ADAM23: variants seen among roughly 807,000 people sequenced by gnomAD.
ADAM23 encodes disintegrin and metalloproteinase domain-containing protein 23.
A neutral mutation model predicts 120.1 loss-of-function variants in ADAM23; 33 were observed. The observed-to-expected ratio is 0.27, with a 90% CI of 0.21 to 0.37. ADAM23 has a LOEUF of 0.37. Ranked by LOEUF, ADAM23 falls within the 10% of genes least tolerant of loss-of-function variation. The pLI is 1.00. For synonymous variants in ADAM23, 367 were observed against 375.2 expected (o/e 0.98, Z 0.25); for missense variants, 862 against 1,058.2 (o/e 0.81, Z 2.57).
chr2:206,535,945 C>G (rs534658603), intron 4 of ADAM23, among the ~76,000 whole-genome samples: 1 of 152,240 alleles, frequency 6.6e-6, no homozygotes, highest in African/African-American at 2.4e-5. Context: ...GAATTTTATA[C>G]TTAAAAAGGT....
chr2:206,497,360 A>G (rs1433029550), intron 3 of ADAM23, among the ~76,000 whole-genome samples: 1 of 152,238 alleles, frequency 6.6e-6, no homozygotes, highest in Non-Finnish European at 1.5e-5. Flanking sequence ...ACGAAAATCA[A>G]TAAATGTAAT....
At chr2:206,575,526 C>T (rs977514159) in intron 18 of ADAM23, among the ~76,000 whole-genome samples, 1 of 152,106 alleles carries the variant, frequency 6.6e-6, no homozygotes, top group Non-Finnish European at 1.5e-5. Context: ...GTTAGCTCCT[C>T]AGGACAAGCT....
At chr2:206,616,582 A>G (rs1698938700) in intron 25 of ADAM23, among the ~76,000 whole-genome samples, 1 of 152,116 alleles carries the variant, frequency 6.6e-6, no homozygotes, top group African/African-American at 2.4e-5. Context: ...ATTTTGAATT[A>G]CTTGTGGGGG....
chr2:206,601,199 AG>A (rs1698634490), intron 24 of ADAM23, among the ~76,000 whole-genome samples: 1 of 152,228 alleles, frequency 6.6e-6, no homozygotes, highest in Non-Finnish European at 1.5e-5. Flanking sequence ...CATTGTAAGA[AG>A]GAAGAGAAAC....
chr2:206,573,053 T>C, intron 17 of ADAM23, 62 bp from the exon 18 acceptor site: 1 of 1,545,958 alleles, frequency 6.5e-7, no homozygotes, highest in Non-Finnish European at 8.9e-7. Flanking sequence ...AGTCTAAGAA[T>C]GTTATAATAA....
chr2:206,451,367 G>A (rs577315456), intron 2 of ADAM23, among the ~76,000 whole-genome samples: 1 of 152,292 alleles, frequency 6.6e-6, no homozygotes, highest in Admixed American at 6.5e-5. Context: ...AGCCTCCCAT[G>A]TAGCTAGGAC....
intron 3 of ADAM23, among the ~76,000 whole-genome samples, chr2:206,517,889 T>G (rs772443865): frequency 6.6e-6 from 1 of 152,190 alleles, no homozygotes; most frequent in Non-Finnish European, 1.5e-5. Context: ...GGTTTTAAGA[T>G]TAAATTAAAA....
chr2:206,467,154 T>C (rs1023356888), intron 2 of ADAM23, among the ~76,000 whole-genome samples: 2 of 152,192 alleles, frequency 1.3e-5, no homozygotes, highest in African/African-American at 4.8e-5. Flanking sequence ...AATTCCACCC[T>C]GGCCCCTCCC....
intron 8 of ADAM23, among the ~76,000 whole-genome samples, chr2:206,549,669 C>G (rs985628820): frequency 2.0e-5 from 3 of 151,854 alleles, no homozygotes; most frequent in Admixed American, 1.3e-4. Flanking sequence ...GTAATTATAA[C>G]TTATGCTATT....
rs1400158219 is a variant in ADAM23 at position 206,443,990 on chromosome 2, C to A, written c.124C>A (p.Pro42Thr). 6.5e-6 allele frequency: 9 copies of A among 1,386,630 alleles called. 1 individual carries two copies. The South Asian group carries it at 1.4e-4, about 22-fold the overall frequency. The allele number at this position is 1,386,630 out of a possible 1,614,324, so 85.9% of individuals were successfully genotyped here. A position where few individuals can be genotyped will look rare whatever the true frequency, so the allele number is the denominator to read the frequency against. The change falls in exon 1 of 26, where the codon CCG (proline) becomes ACG (threonine). Residue 42 changes from proline to threonine, a missense_variant. By Grantham distance (38) the Pro-to-Thr change is conservative. Coordinates refer to ENST00000264377, the MANE Select transcript of ADAM23 (RefSeq NM_003812.4). ...GCCTGCCAGCGCCCCGGCCCGCACG[C>A]CGCCCTGCCGCCTGCTTCTCGTCCT... is the stretch of plus-strand genomic sequence containing the variant. ...SVPASAPART[P>T]PCRLLLVLLL...
At chr2:206,517,344 T>C (rs191011498) in intron 3 of ADAM23, among the ~76,000 whole-genome samples, 22 of 152,312 alleles carry the variant, frequency 1.4e-4, no homozygotes, top group African/African-American at 5.1e-4. Context: ...CCCTCATTGC[T>C]TACCTGGGGG....
chr2:206,616,610 A>G (rs1268243810), intron 25 of ADAM23, among the ~76,000 whole-genome samples: 2 of 152,074 alleles, frequency 1.3e-5, no homozygotes, highest in African/African-American at 4.8e-5. Context: ...ATATATCGCA[A>G]TGGCTTTGAT....
Position 206,542,067 on chromosome 2 carries a change from T to C in ADAM23, c.589T>C (p.Tyr197His). The change falls in exon 5 of 26, where the codon TAC (tyrosine) becomes CAC (histidine). Residue 197 changes from tyrosine to histidine, a missense_variant. Tyr to His is a moderately conservative substitution (Grantham distance 83). This residue lies in a region of ADAM23 where 617 missense variants were observed against 813.5 expected (regional missense o/e 0.76). Coordinates refer to ENST00000264377, the MANE Select transcript of ADAM23 (RefSeq NM_003812.4). ...TGCTTTCCAGGGTGGAGAGCACTGT[T>C]ACTACCATGGAAGCATCAGAGGCGT... Reference protein sequence around the residue: ...PQYSKGGEHCYYHGSIRGVKD... With the variant: ...PQYSKGGEHCHYHGSIRGVKD... 1 of 1,614,176 alleles carries C rather than the reference T, an allele frequency of 6.2e-7. No homozygotes were observed. The highest frequency in any genetic ancestry group is 8.5e-7 in the Non-Finnish European group (1 of 1,180,006).
chr2:206,610,836 G>T (rs1698813394), intron 25 of ADAM23, among the ~76,000 whole-genome samples: 1 of 152,182 alleles, frequency 6.6e-6, no homozygotes, highest in African/African-American at 2.4e-5. Flanking sequence ...GTGAGTTGAT[G>T]ATTATGATTT....
intron 4 of ADAM23, among the ~76,000 whole-genome samples, chr2:206,541,671 A>T (rs906073078): frequency 6.6e-6 from 1 of 152,184 alleles, no homozygotes; most frequent in African/African-American, 2.4e-5. Context: ...ATATTGTATA[A>T]TTTTCCATTA....
intron 10 of ADAM23, 53 bp downstream of exon 10, chr2:206,557,551 C>A: frequency 6.9e-7 from 1 of 1,457,360 alleles, no homozygotes. Flanking sequence ...TGGTTTATCT[C>A]TATTTGCTTA....
At chr2:206,552,748 G>T (rs377619500) in intron 9 of ADAM23, among the ~76,000 whole-genome samples, 4 of 152,012 alleles carry the variant, frequency 2.6e-5, no homozygotes, top group African/African-American at 9.7e-5. Flanking sequence ...CGCAACCTGC[G>T]CCTCCGCAGC....
At chr2:206,526,307 T>C (rs938752298) in intron 3 of ADAM23, among the ~76,000 whole-genome samples, 1 of 152,180 alleles carries the variant, frequency 6.6e-6, no homozygotes, top group Non-Finnish European at 1.5e-5. Flanking sequence ...GATTGTGAAA[T>C]TCTTTGAACA....
At chr2:206,457,409 T>C (rs1695321750) in intron 2 of ADAM23, among the ~76,000 whole-genome samples, 4 of 152,086 alleles carry the variant, frequency 2.6e-5, no homozygotes, top group African/African-American at 7.3e-5. Context: ...TTCCAGTCTC[T>C]TGTTTCTTTT....
Sources: allele counts gnomAD v4.1 joint callset (sites outside exome capture counted in the v4.1 genomes callset), GRCh38; gene constraint gnomAD v4.1.1; regional missense constraint gnomAD v4.1.1; transcripts MANE v1.5; gene names NCBI Gene and HGNC (gene_info 2026-07-23, HGNC 2026-07-21).